Variants in TRIO observed in about 807,000 individuals in gnomAD.
TRIO encodes the protein trio Rho guanine nucleotide exchange factor.
Under a neutral mutation model 351.9 loss-of-function variants are expected in TRIO, and 58 were observed. That is an observed-to-expected ratio of 0.16 (90% CI 0.13 to 0.21). TRIO has a LOEUF of 0.21. Among genes scored for constraint, TRIO ranks in the 10% least tolerant of loss-of-function variants. The pLI, the probability that TRIO is intolerant of heterozygous loss-of-function variation, is 1.00. For synonymous variants in TRIO, 1,758 were observed against 1,595.7 expected (o/e 1.10, Z -2.42); for missense variants, 3,201 against 4,027.8 (o/e 0.79, Z 5.56).
rs566370358 is a variant in TRIO, at chr5:14,223,479, C to T, written c.158-47346C>T. Among the ~76,000 whole-genome samples, 7 of 152,278 alleles carry T rather than the reference C, an allele frequency of 4.6e-5. No individual in the cohort carries two copies. The East Asian group carries it at 1.2e-3, about 25-fold the overall frequency. On this transcript the variant is annotated intron_variant, in intron 1 of 56. Coordinates refer to ENST00000344204, the MANE Select transcript of TRIO (RefSeq NM_007118.4). ...TGCATCACAGCCATGTCCTCTGTGTCCTATTCACCAAGGCAAGCATTGGGA... is the reference window on the plus strand; with the variant it reads ...TGCATCACAGCCATGTCCTCTGTGTTCTATTCACCAAGGCAAGCATTGGGA...
chr5:14,389,751 C>G (rs1746881891), intron 25 of TRIO, among the ~76,000 whole-genome samples: 1 of 152,144 alleles, frequency 6.6e-6, no homozygotes, highest in Non-Finnish European at 1.5e-5. Flanking sequence ...ATGCTGTTTG[C>G]TCTCTTATAG....
rs140044267 is a variant in TRIO at position 14,212,156 on chromosome 5, C to G, written c.158-58669C>G. Among the ~76,000 whole-genome samples, 679 of 151,982 alleles carry G rather than the reference C, an allele frequency of 4.5e-3. 8 individuals are homozygous for G. Among genetic ancestry groups the G allele is most frequent in the African/African-American group, 0.016 (653 of 41,448 alleles). On this transcript the variant is annotated intron_variant, in intron 1 of 56. Coordinates refer to ENST00000344204, the MANE Select transcript of TRIO (RefSeq NM_007118.4). Reference sequence around the variant, plus strand: ...ATTGTCTTAAAAAGAAAAAAAAAGGCAAATTAATGGTTTAATGGTTAAAAT... The same window carrying G: ...ATTGTCTTAAAAAGAAAAAAAAAGGGAAATTAATGGTTTAATGGTTAAAAT...
intron 35 of TRIO, among the ~76,000 whole-genome samples, chr5:14,461,790 G>A (rs1024061789): frequency 5.3e-5 from 8 of 152,182 alleles, no homozygotes; most frequent in African/African-American, 1.7e-4. Context: ...CTTTCCAATT[G>A]TTTTTCCCCA....
chr5:14,430,259 T>G (rs1464448037), intron 34 of TRIO, among the ~76,000 whole-genome samples: 2 of 151,920 alleles, frequency 1.3e-5, no homozygotes, highest in Admixed American at 6.5e-5. Context: ...ATGGGCCTCT[T>G]TAAATCCATT....
chr5:14,179,854 G>A (rs1789644069), intron 1 of TRIO, among the ~76,000 whole-genome samples: 1 of 152,080 alleles, frequency 6.6e-6, no homozygotes, highest in South Asian at 2.1e-4. Context: ...CACTCTGGGA[G>A]GCTGAGGTGG....
At chr5:14,225,203 G>A (rs906334557) in intron 1 of TRIO, among the ~76,000 whole-genome samples, 1 of 152,122 alleles carries the variant, frequency 6.6e-6, no homozygotes, top group African/African-American at 2.4e-5. Context: ...TATGGATTGG[G>A]GTGAGGTGAG....
chr5:14,294,064 T>C (rs1737140180), intron 6 of TRIO, among the ~76,000 whole-genome samples: 1 of 152,018 alleles, frequency 6.6e-6, no homozygotes, highest in Non-Finnish European at 1.5e-5. Flanking sequence ...TGCACACCTG[T>C]AGTCCCAGCT....
chr5:14,455,339 CTAGACACAGAGTGCTGATTGGTGTATT>C (rs1255432261), intron 34 of TRIO, among the ~76,000 whole-genome samples: 2 of 152,192 alleles, frequency 1.3e-5, no homozygotes, highest in East Asian at 3.9e-4. Flanking sequence ...AATCCCTGAG[CTAGACACAGAGTGCTGATTGGTGTATT>C]TACAATCCTC....
At chr5:14,353,911 G>A (rs1391793511) in intron 11 of TRIO, among the ~76,000 whole-genome samples, 3 of 152,164 alleles carry the variant, frequency 2.0e-5, no homozygotes, top group Non-Finnish European at 2.9e-5. Flanking sequence ...TGGTAAAATC[G>A]TTTTGTATCT....
At chr5:14,295,518 T>G (rs1737281443) in intron 6 of TRIO, among the ~76,000 whole-genome samples, 1 of 152,220 alleles carries the variant, frequency 6.6e-6, no homozygotes, top group Non-Finnish European at 1.5e-5. Context: ...GCAGGTATGG[T>G]CAGTGGTTGT....
At chr5:14,196,129 T>C (rs1477833078) in intron 1 of TRIO, among the ~76,000 whole-genome samples, 1 of 152,048 alleles carries the variant, frequency 6.6e-6, no homozygotes, top group Non-Finnish European at 1.5e-5. Flanking sequence ...ATTGCAAAGA[T>C]TTGTTGTGAG....
intron 34 of TRIO, among the ~76,000 whole-genome samples, chr5:14,432,879 C>T (rs1351730190): frequency 1.3e-5 from 2 of 152,194 alleles, no homozygotes; most frequent in Non-Finnish European, 2.9e-5. Flanking sequence ...TTCCTGTCAG[C>T]TCCCCGCCAC....
intron 1 of TRIO, among the ~76,000 whole-genome samples, chr5:14,205,693 A>G (rs775778276): frequency 2.0e-5 from 3 of 152,230 alleles, no homozygotes; most frequent in Non-Finnish European, 4.4e-5. Context: ...ACTAATGAAA[A>G]CATTATACGC....
intron 34 of TRIO, among the ~76,000 whole-genome samples, chr5:14,450,459 C>G (rs1031531827): frequency 6.6e-6 from 1 of 151,924 alleles, no homozygotes; most frequent in Admixed American, 6.6e-5. Context: ...CCTTCTCAGG[C>G]GGCAAAGACC....
At chr5:14,404,636 C>T (rs531142373) in intron 31 of TRIO, among the ~76,000 whole-genome samples, 1 of 152,248 alleles carries the variant, frequency 6.6e-6, no homozygotes, top group South Asian at 2.1e-4. Context: ...GAGTCCCTTA[C>T]TTTCCCCCCG....
At chr5:14,181,683 T>A (rs1237732568) in intron 1 of TRIO, among the ~76,000 whole-genome samples, 1 of 152,208 alleles carries the variant, frequency 6.6e-6, no homozygotes, top group Non-Finnish European at 1.5e-5. Context: ...CTGAAAACGC[T>A]GGCTGCCCCC....
rs768715447 is a variant in TRIO, at chr5:14,488,052, C to A, written c.7424C>A (p.Pro2475His). ...TCTCTCGGCAAGGAGCCCTTCCCCC[C>A]CAGCAGCCCCCTGCAGAAGGGGGGC... is the stretch of plus-strand genomic sequence containing the variant. ...VPSLGKEPFP[P>H]SSPLQKGGSF... is the part of the protein sequence containing the mutation. Residue 2475 changes from proline (P) to histidine (H), a missense_variant, in exon 48 of 57, where the codon CCC becomes CAC. Coordinates refer to ENST00000344204, the MANE Select transcript of TRIO (RefSeq NM_007118.4). 2.9e-5 allele frequency: 46 copies of A among 1,609,280 alleles called. No homozygotes were observed. Among genetic ancestry groups the A allele is most frequent in the Admixed American group, 5.0e-5 (3 of 59,842 alleles).
chr5:14,288,627 G>A (rs1308189775), intron 4 of TRIO, among the ~76,000 whole-genome samples: 6 of 151,276 alleles, frequency 4.0e-5, no homozygotes, highest in East Asian at 1.9e-4. Flanking sequence ...AGATTGTGCC[G>A]CTGCACTCCA....
intron 47 of TRIO, among the ~76,000 whole-genome samples, chr5:14,486,512 G>A (rs1213283902): frequency 2.6e-5 from 4 of 152,194 alleles, no homozygotes; most frequent in African/African-American, 7.2e-5. Flanking sequence ...CCTCAGGTGC[G>A]AAGAGGTTCA....
Sources: gnomAD v4.1 joint callset for allele counts (sites outside exome capture counted in the v4.1 genomes callset) on GRCh38, gnomAD v4.1.1 for gene constraint, MANE v1.5 for transcripts, NCBI Gene and HGNC (gene_info 2026-07-23, HGNC 2026-07-21) for gene names.